The following CNIH3 variants were observed in gnomAD, a reference collection of about 807,000 sequenced individuals.
CNIH3 encodes cornichon family AMPA receptor auxiliary protein 3.
In CNIH3, 14 loss-of-function variants were observed where a neutral mutation model predicts 24.1. The ratio of observed to expected loss-of-function variants is 0.58; its 90% confidence interval spans 0.38 to 0.91. The LOEUF is 0.91. Among genes scored for constraint, CNIH3 ranks in the 40% least tolerant of loss-of-function variants. CNIH3 has a pLI of 0.00. For missense variants in CNIH3, 178 were observed against 196.8 expected (o/e 0.90, Z 0.57); for synonymous variants, 68 against 73.8 (o/e 0.92, Z 0.40).
Position 224,434,751 on chromosome 1 carries a change from C to G in CNIH3, n.92C>G, listed in dbSNP as rs1240619721. 1.0e-5 allele frequency: 10 copies of G among 987,068 alleles called. No individual in the cohort carries two copies. In the Admixed American group the frequency reaches 1.8e-4, roughly 18 times the overall value. The allele number at this position is 987,068 out of a possible 1,614,324, so 61.1% of individuals were successfully genotyped here. On this transcript the variant is annotated non_coding_transcript_exon_variant, in exon 1 of 6. Coordinates refer to the CNIH3 transcript ENST00000471578. ...GCCGCCTCTGTCCTCGGATCCGCTC[C>G]GCTCTGCTCCCTGGTGTGTTGATTC...
downstream of CNIH3, among the ~76,000 whole-genome samples, chr1:224,537,833 T>C (rs566420828): frequency 2.6e-5 from 4 of 152,208 alleles, no homozygotes; most frequent in Non-Finnish European, 5.9e-5. Flanking sequence ...TAACTGATAG[T>C]GTGTGACTAT....
chr1:224,616,982 T>A lies in CNIH3; in HGVS notation c.-193T>A, dbSNP rs1423666486. 5.7e-6 allele frequency: 8 copies of A among 1,408,766 alleles called. No individual in the cohort carries two copies. The East Asian group carries it at 2.0e-4, about 36-fold the overall frequency. The allele number at this position is 1,408,766 out of a possible 1,614,324, so 87.3% of individuals were successfully genotyped here. The stretch of plus-strand genomic sequence containing the variant: ...CTTCGCCGGAGGGCCGGGTCTGGGG[T>A]CGCCGGAGCCTGCGGGAATCCAGCG... On this transcript the variant is annotated 5_prime_UTR_variant, in exon 1 of 6. Transcript: ENST00000272133.
chr1:224,445,368 G>T (rs1339936401), intron 1 of CNIH3, among the ~76,000 whole-genome samples: 3 of 151,820 alleles, frequency 2.0e-5, no homozygotes, highest in Non-Finnish European at 4.4e-5. Context: ...CTGAGGTCAG[G>T]AGTTCGAAAT....
At chr1:224,525,902 G>A (rs1469179164) in intron 2 of CNIH3, among the ~76,000 whole-genome samples, 1 of 152,152 alleles carries the variant, frequency 6.6e-6, no homozygotes, top group African/African-American at 2.4e-5. Flanking sequence ...GCACTGGACA[G>A]GCCTGCCATA....
At chr1:224,574,198 G>T (rs1680938577) in intron 4 of CNIH3, among the ~76,000 whole-genome samples, 1 of 152,068 alleles carries the variant, frequency 6.6e-6, no homozygotes, top group African/African-American at 2.4e-5. Flanking sequence ...GGGTCCCTAT[G>T]GCCATAATAA....
chr1:224,735,153 C>A (rs574983890), intron 5 of CNIH3, among the ~76,000 whole-genome samples: 1 of 152,178 alleles, frequency 6.6e-6, no homozygotes, highest in African/African-American at 2.4e-5. Context: ...AAACTCCCCA[C>A]CCCAGCCCCA....
At chr1:224,657,666 C>T (rs1422781143) in intron 1 of CNIH3, among the ~76,000 whole-genome samples, 1 of 152,184 alleles carries the variant, frequency 6.6e-6, no homozygotes, top group Non-Finnish European at 1.5e-5. Flanking sequence ...CACATCAGCC[C>T]TCCAACGAGA....
chr1:224,519,748 A>G (rs1000161340), intron 1 of CNIH3, among the ~76,000 whole-genome samples: 1 of 151,048 alleles, frequency 6.6e-6, no homozygotes. Context: ...TTTATATTAT[A>G]TATATTATTT....
intron 1 of CNIH3, among the ~76,000 whole-genome samples, chr1:224,676,243 A>G (rs1189617187): frequency 6.6e-6 from 1 of 152,240 alleles, no homozygotes; most frequent in Non-Finnish European, 1.5e-5. Context: ...AAAAGAAAGC[A>G]GGCTCAGAAG....
chr1:224,737,106 A>G (rs1225874984), intron 5 of CNIH3, among the ~76,000 whole-genome samples: 1 of 151,994 alleles, frequency 6.6e-6, no homozygotes, highest in African/African-American at 2.4e-5. Flanking sequence ...GACAGAGGCG[A>G]GACTTTCCCT....
At chr1:224,710,167 T>C (rs1055651651) in intron 3 of CNIH3, among the ~76,000 whole-genome samples, 1 of 152,246 alleles carries the variant, frequency 6.6e-6, no homozygotes, top group Non-Finnish European at 1.5e-5. Context: ...GGGGTATTGC[T>C]GAATTGCTTT....
chr1:224,633,710 T>C (rs1683942533), intron 1 of CNIH3, among the ~76,000 whole-genome samples: 1 of 152,078 alleles, frequency 6.6e-6, no homozygotes, highest in Non-Finnish European at 1.5e-5. Flanking sequence ...TTTTAATCTC[T>C]CCAGTGGAAG....
chr1:224,679,472 G>T (rs1186527292), intron 1 of CNIH3, among the ~76,000 whole-genome samples: 1 of 152,234 alleles, frequency 6.6e-6, no homozygotes, highest in African/African-American at 2.4e-5. Flanking sequence ...GCTGTGGGTG[G>T]AAGCTTCAGG....
chr1:224,516,352 T>A (rs1678383165), intron 1 of CNIH3, among the ~76,000 whole-genome samples: 1 of 148,654 alleles, frequency 6.7e-6, no homozygotes. Flanking sequence ...TCCATGCACT[T>A]CGGCTTGGCA....
chr1:224,624,805 C>A (rs891127244), intron 1 of CNIH3, among the ~76,000 whole-genome samples: 1 of 152,206 alleles, frequency 6.6e-6, no homozygotes, highest in Non-Finnish European at 1.5e-5. Flanking sequence ...GACCAGGTCC[C>A]GGTTAACTGT....
In CNIH3 at chr1:224,734,642, T is replaced by C. The variant is rs766472298; in HGVS notation, c.391T>C (p.Cys131Arg). ...VVMNADTLSYCQKEAWCKLAF... is the reference protein window; with the variant it reads ...VVMNADTLSYRQKEAWCKLAF... ...CATGAATGCCGACACTTTGAGTTAC[T>C]GTCAGAAGGAGGCCTGGTGTAAGCT... The change falls in exon 5 of 6, where the codon TGT becomes CGT. Residue 131 changes from cysteine to arginine, a missense_variant. By Grantham distance (180) the Cys-to-Arg change is radical. Transcript: ENST00000272133. The C allele has an allele frequency of 1.2e-6, 2 of 1,614,092 alleles. No individual in the cohort carries two copies. The highest frequency in any genetic ancestry group is 2.2e-5 in the South Asian group (2 of 91,088).
chr1:224,462,523 G>A (rs1675957224), intron 1 of CNIH3, among the ~76,000 whole-genome samples: 1 of 149,796 alleles, frequency 6.7e-6, no homozygotes, highest in African/African-American at 2.5e-5. Flanking sequence ...TAGTAGAGAT[G>A]GGGTTTTGCC....
chr1:224,480,056 G>C (rs1348924417), intron 1 of CNIH3, among the ~76,000 whole-genome samples: 1 of 152,114 alleles, frequency 6.6e-6, no homozygotes, highest in South Asian at 2.1e-4. Context: ...CTTCTGTCTG[G>C]GTATCCAGGT....
intron 1 of CNIH3, among the ~76,000 whole-genome samples, chr1:224,471,585 C>T (rs1676371522): frequency 1.3e-5 from 2 of 150,732 alleles, no homozygotes; most frequent in South Asian, 2.1e-4. Context: ...GACAGAATCT[C>T]ATTCTCTCTT....
Sources: allele counts gnomAD v4.1 joint callset (sites outside exome capture counted in the v4.1 genomes callset), GRCh38; gene constraint gnomAD v4.1.1; transcripts MANE v1.5; gene names NCBI Gene and HGNC (gene_info 2026-07-23, HGNC 2026-07-21).